The following DYNC1I1 variants were observed in gnomAD, a reference collection of about 807,000 sequenced individuals.
The protein encoded by DYNC1I1 is dynein cytoplasmic 1 intermediate chain 1.
DYNC1I1 carries 43 observed loss-of-function variants against 86.6 expected under a neutral mutation model. The ratio of observed to expected loss-of-function variants is 0.50; its 90% CI spans 0.39 to 0.64. The LOEUF (loss-of-function observed/expected upper bound fraction) is 0.64. Ranked by LOEUF, DYNC1I1 falls within the 30% of genes least tolerant of loss-of-function variation. The pLI is 0.00. For synonymous variants in DYNC1I1, 262 were observed against 283.7 expected (o/e 0.92, Z 0.77); for missense variants, 604 against 788.8 (o/e 0.77, Z 2.81).
At chr7:95,898,485 G>A (rs1414935753) in intron 6 of DYNC1I1, among the ~76,000 whole-genome samples, 2 of 152,168 alleles carry the variant, frequency 1.3e-5, no homozygotes, top group Non-Finnish European at 2.9e-5. Context: ...GTGATTGGGG[G>A]TATAAGGGAT....
intron 1 of DYNC1I1, among the ~76,000 whole-genome samples, chr7:95,793,110 C>T (rs1240803657): frequency 6.6e-6 from 1 of 151,910 alleles, no homozygotes; most frequent in East Asian, 1.9e-4. Context: ...GCGTGGAGGA[C>T]GTATCATCAG....
At chr7:95,939,871 T>G (rs1349885391) in intron 6 of DYNC1I1, among the ~76,000 whole-genome samples, 1 of 152,242 alleles carries the variant, frequency 6.6e-6, no homozygotes, top group Non-Finnish European at 1.5e-5. Context: ...GCTCGTTAGT[T>G]GATGGAGTTT....
At chr7:95,983,402 C>A (rs1040774201) in intron 7 of DYNC1I1, among the ~76,000 whole-genome samples, 1 of 152,148 alleles carries the variant, frequency 6.6e-6, no homozygotes, top group Non-Finnish European at 1.5e-5. Context: ...CCTAATATTA[C>A]CTGGAGAGCA....
intron 2 of DYNC1I1, among the ~76,000 whole-genome samples, chr7:95,809,263 T>C (rs543842144): frequency 1.3e-5 from 2 of 152,276 alleles, no homozygotes; most frequent in South Asian, 4.1e-4. Flanking sequence ...AAGTCAAAAG[T>C]TGCATAAACT....
intron 14 of DYNC1I1, among the ~76,000 whole-genome samples, chr7:96,050,636 TC>T (rs1789378784): frequency 6.6e-6 from 1 of 152,158 alleles, no homozygotes; most frequent in African/African-American, 2.4e-5. Context: ...TGTGCCTTTT[TC>T]TACCAAACTG....
chr7:96,097,390 G>C, intron 16 of DYNC1I1, 93 bp from the exon 17 acceptor site: 2 of 1,361,194 alleles, frequency 1.5e-6, no homozygotes, highest in Non-Finnish European at 2.1e-6. Context: ...TGCTTTGGAG[G>C]GTGTGGGGGC....
intron 5 of DYNC1I1, among the ~76,000 whole-genome samples, chr7:95,834,918 G>A (rs1480289165): frequency 1.3e-5 from 2 of 151,630 alleles, no homozygotes; most frequent in East Asian, 1.9e-4. Flanking sequence ...CTTTCAAAAA[G>A]CCAGCTCCTG....
intron 5 of DYNC1I1, among the ~76,000 whole-genome samples, chr7:95,829,778 A>T (rs138005652): frequency 3.5e-5 from 5 of 142,866 alleles, no homozygotes; most frequent in Non-Finnish European, 6.1e-5. Flanking sequence ...TTGAGAGTGA[A>T]CCCAGTGTGT....
intron 6 of DYNC1I1, among the ~76,000 whole-genome samples, chr7:95,926,564 A>AT: frequency 6.6e-6 from 1 of 152,196 alleles, no homozygotes; most frequent in South Asian, 2.1e-4. Context: ...AGATGTATTT[A>AT]TTTTTTCCCT....
chr7:96,027,044 C>G (rs187917851), intron 10 of DYNC1I1, among the ~76,000 whole-genome samples: 1 of 152,346 alleles, frequency 6.6e-6, no homozygotes, highest in African/African-American at 2.4e-5. Context: ...AAGGCATGCA[C>G]CTGCCCATAC....
chr7:96,107,822 G>A (rs13222497), intron 16 of DYNC1I1, among the ~76,000 whole-genome samples: 33,188 of 151,156 alleles, frequency 0.22, 4,268 homozygotes, highest in East Asian at 0.55. Flanking sequence ...CACCACGCCC[G>A]GCCTTCTTCA....
At chr7:95,986,752 G>A (rs1332559625) in intron 8 of DYNC1I1, among the ~76,000 whole-genome samples, 1 of 151,930 alleles carries the variant, frequency 6.6e-6, no homozygotes, top group Non-Finnish European at 1.5e-5. Context: ...CTTTCAGGGA[G>A]AGGCTCTGGC....
chr7:95,966,239 C>T (rs1793009099), intron 6 of DYNC1I1, among the ~76,000 whole-genome samples: 1 of 152,190 alleles, frequency 6.6e-6, no homozygotes, highest in African/African-American at 2.4e-5. Context: ...TCACATCTGT[C>T]ATTGCAGCTT....
intron 1 of DYNC1I1, among the ~76,000 whole-genome samples, 173 bp downstream of exon 1, chr7:95,772,946 GC>G (rs1354171930): frequency 6.6e-6 from 1 of 152,170 alleles, no homozygotes; most frequent in Non-Finnish European, 1.5e-5. Flanking sequence ...GCTCCGCTGA[GC>G]CCGAAGGCGG....
chr7:96,031,598 C>G (rs908633142), intron 11 of DYNC1I1, among the ~76,000 whole-genome samples: 1 of 152,140 alleles, frequency 6.6e-6, no homozygotes, highest in Non-Finnish European at 1.5e-5. Flanking sequence ...ATGATTATTA[C>G]CACTCCTTCT....
In DYNC1I1 at chr7:96,097,548, C is replaced by CA; in HGVS notation, c.1843dup (p.Arg615LysfsTer3). On this transcript the variant is annotated frameshift_variant, in exon 17 of 17. Transcript: ENST00000447467. LOFTEE classifies it high-confidence loss of function. The stretch of plus-strand genomic sequence containing the variant: ...GGACCCTTGTGGAAATTCGTGCTAA[C>CA]AGAGCTGATAGCGAGGAGGAAGGCA... 1 of 1,613,832 alleles carries CA rather than the reference C, an allele frequency of 6.2e-7. No individual in the cohort carries two copies. Among genetic ancestry groups the CA allele is most frequent in the Non-Finnish European group, 8.5e-7 (1 of 1,179,796 alleles).
intron 6 of DYNC1I1, among the ~76,000 whole-genome samples, chr7:95,969,009 T>C (rs1311206950): frequency 6.6e-6 from 1 of 152,198 alleles, no homozygotes; most frequent in Non-Finnish European, 1.5e-5. Flanking sequence ...AGTTGTGCAA[T>C]GGGATGGCCC....
chr7:95,965,094 C>T (rs937010833), intron 6 of DYNC1I1, among the ~76,000 whole-genome samples: 3 of 152,112 alleles, frequency 2.0e-5, no homozygotes, highest in African/African-American at 4.8e-5. Flanking sequence ...GATGGCTACA[C>T]GTACACATGG....
intron 1 of DYNC1I1, among the ~76,000 whole-genome samples, chr7:95,782,257 G>A (rs1794012380): frequency 6.6e-6 from 1 of 152,164 alleles, no homozygotes. Flanking sequence ...AAGGGAACTG[G>A]AATTTTCGTA....
Sources: allele counts gnomAD v4.1 joint callset (sites outside exome capture counted in the v4.1 genomes callset), GRCh38; gene constraint gnomAD v4.1.1; transcripts MANE v1.5; gene names NCBI Gene and HGNC (gene_info 2026-07-23, HGNC 2026-07-21).